The following RASEF variants were observed in gnomAD, a reference collection of about 807,000 sequenced individuals.
The protein encoded by RASEF is ras and EF-hand domain-containing protein.
In RASEF, 68 loss-of-function variants were observed where a neutral mutation model predicts 90.1. The ratio of observed to expected loss-of-function variants is 0.75; its 90% CI spans 0.62 to 0.92. RASEF has a LOEUF of 0.92. Among genes scored for constraint, RASEF ranks in the 40% least tolerant of loss-of-function variants. RASEF has a pLI of 0.00. For synonymous variants in RASEF, 331 were observed against 345.2 expected (o/e 0.96, Z 0.46); for missense variants, 949 against 937.2 (o/e 1.01, Z -0.16).
rs1468971060 is a variant in RASEF at position 83,062,996 on chromosome 9, C to T, written c.-129G>A. 3 of 1,008,328 alleles carry T rather than the reference C, an allele frequency of 3.0e-6. No individual in the cohort carries two copies. Among genetic ancestry groups the T allele is most frequent in the South Asian group, 2.1e-5 (1 of 46,612 alleles). 62.5% of individuals were successfully genotyped at this position (1,008,328 alleles called of 1,614,324 possible). On this transcript the variant is annotated 5_prime_UTR_variant, in exon 1 of 17. The change creates a new upstream start codon in the 5' untranslated region. Coordinates refer to ENST00000376447, the MANE Select transcript of RASEF (RefSeq NM_152573.4). ...TTGGCTCGTCCGGCTGGTTCGGCCA[C>T]TTGAGGGAACGTCGGGCGGGGCGAG...
chr9:83,147,595 G>A, the RASEF span, among the ~76,000 whole-genome samples: 1 of 152,044 alleles, frequency 6.6e-6, no homozygotes, highest in Non-Finnish European at 1.5e-5. Flanking sequence ...TAGTGTCTAG[G>A]GGTGGGTGCC....
chr9:83,058,172 C>CTGT (rs1554710932), intron 1 of RASEF, among the ~76,000 whole-genome samples: 1 of 57,890 alleles, frequency 1.7e-5, no homozygotes, highest in African/African-American at 6.9e-5. Context: ...GTATTTATGT[C>CTGT]TTTTTTTTTT....
chr9:83,075,502 A>G, the RASEF span, among the ~76,000 whole-genome samples: 65 of 152,276 alleles, frequency 4.3e-4, no homozygotes, highest in African/African-American at 1.4e-3. Context: ...AACATTTCCT[A>G]TTTTACTATT....
chr9:83,007,367 T>G, intron 7 of RASEF, 70 bp downstream of exon 7: 1 of 1,208,308 alleles, frequency 8.3e-7, no homozygotes, highest in South Asian at 1.2e-5. Flanking sequence ...ACGTTCTATG[T>G]GTTATGTCTT....
At chr9:83,194,679 A>C in the RASEF span, among the ~76,000 whole-genome samples, 2 of 152,202 alleles carry the variant, frequency 1.3e-5, no homozygotes, top group Non-Finnish European at 2.9e-5. Context: ...GGAAAGATTT[A>C]TCTCTTCTCC....
At chr9:83,038,505 C>T (rs59707822) in intron 1 of RASEF, among the ~76,000 whole-genome samples, 4,452 of 152,080 alleles carry the variant, frequency 0.029, 199 homozygotes, top group African/African-American at 0.1. Context: ...CCACATTGAA[C>T]GAAGATGTAT....
the RASEF span, among the ~76,000 whole-genome samples, chr9:83,203,634 A>C: frequency 5.3e-5 from 8 of 152,158 alleles, no homozygotes; most frequent in African/African-American, 1.9e-4. Flanking sequence ...CTTGAGAGAA[A>C]ATAGGTAAGT....
chr9:83,059,261 A>G (rs1830161779), intron 1 of RASEF, among the ~76,000 whole-genome samples: 1 of 135,472 alleles, frequency 7.4e-6, no homozygotes, highest in African/African-American at 3.0e-5. Context: ...CATCCATCAA[A>G]TGCTCAATAC....
chr9:83,006,285 T>A (rs1248083060), intron 7 of RASEF, among the ~76,000 whole-genome samples: 5 of 152,204 alleles, frequency 3.3e-5, no homozygotes, highest in Non-Finnish European at 4.4e-5. Context: ...ATTTCTATGA[T>A]TATTGATCCA....
chr9:83,007,194 C>T (rs971502217), intron 7 of RASEF, among the ~76,000 whole-genome samples: 1 of 151,838 alleles, frequency 6.6e-6, no homozygotes, highest in Admixed American at 6.5e-5. Context: ...CTGGACATAT[C>T]CCCTGACTTC....
the RASEF span, among the ~76,000 whole-genome samples, chr9:83,168,019 A>G: frequency 6.6e-6 from 1 of 152,128 alleles, no homozygotes; most frequent in South Asian, 2.1e-4. Context: ...TCTTGAGTGT[A>G]TACCTAGAAG....
At chr9:83,075,831 AG>A in the RASEF span, among the ~76,000 whole-genome samples, 1 of 152,168 alleles carries the variant, frequency 6.6e-6, no homozygotes, top group African/African-American at 2.4e-5. Context: ...TGTTCCCAGA[AG>A]TACAAAATAA....
the RASEF span, among the ~76,000 whole-genome samples, chr9:83,136,270 T>G: frequency 9.9e-5 from 15 of 152,180 alleles, no homozygotes; most frequent in African/African-American, 3.6e-4. Context: ...TCACACATCT[T>G]TAGAATTTAT....
intron 1 of RASEF, among the ~76,000 whole-genome samples, chr9:83,049,598 G>C (rs1358165848): frequency 1.6e-5 from 2 of 124,870 alleles, no homozygotes; most frequent in East Asian, 2.4e-4. Context: ...GTGCAGGTTA[G>C]TTACATATGT....
chr9:83,190,450 C>T, the RASEF span, among the ~76,000 whole-genome samples: 3 of 152,116 alleles, frequency 2.0e-5, no homozygotes, highest in Non-Finnish European at 4.4e-5. Context: ...AACATCTGTT[C>T]TTTGATGAGC....
At position 83,008,921 on chromosome 9, in the gene RASEF, T is replaced by TC. The variant is rs1434705442; in HGVS notation, c.959+719_959+720insG. Among the ~76,000 whole-genome samples the TC allele has an allele frequency of 1.0e-4, 13 of 128,832 alleles. 2 individuals are homozygous for TC. Among genetic ancestry groups the TC allele is most frequent in the South Asian group, 7.6e-4 (3 of 3,922 alleles). The allele number at this position is 128,832 out of a possible 152,430, so 84.5% of individuals were successfully genotyped here. On this transcript the variant is annotated intron_variant, in intron 6 of 16. Coordinates refer to ENST00000376447, the MANE Select transcript of RASEF (RefSeq NM_152573.4). ...ATATATATATATATATATATATATA[T>TC]ATATATATATATATGACGTGGGCTC...
At chr9:82,991,173 C>T (rs948100477) in intron 15 of RASEF, among the ~76,000 whole-genome samples, 59 of 152,168 alleles carry the variant, frequency 3.9e-4, no homozygotes, top group East Asian at 2.3e-3. Context: ...CTCCAGTGTC[C>T]GCAAAGCCTT....
intron 3 of RASEF, among the ~76,000 whole-genome samples, chr9:83,016,168 C>A (rs1365548635): frequency 3.6e-4 from 54 of 149,122 alleles, no homozygotes; most frequent in Admixed American, 3.6e-3. Flanking sequence ...GACTATTACT[C>A]ACATTGTGAT....
chr9:83,022,429 G>A lies in RASEF; in HGVS notation c.579-3C>T, dbSNP rs866896218. On this transcript the variant is annotated splice_polypyrimidine_tract_variant and splice_region_variant and intron_variant, in intron 2 of 16. Coordinates refer to ENST00000376447, the MANE Select transcript of RASEF (RefSeq NM_152573.4). ...GCATAGCTGCCTTGTCCTGGGCTCT[G>A]AAATTCAAAAGGATGCACACCTTTT... 6.2e-7 allele frequency: 1 copy of A among 1,610,842 alleles called. No homozygotes were observed. The highest frequency in any genetic ancestry group is 8.5e-7 in the Non-Finnish European group (1 of 1,177,060).
Sources: allele counts gnomAD v4.1 joint callset (sites outside exome capture counted in the v4.1 genomes callset), GRCh38; gene constraint gnomAD v4.1.1; transcripts MANE v1.5; gene names NCBI Gene and HGNC (gene_info 2026-07-23, HGNC 2026-07-21).